MYO5B: variants seen among roughly 807,000 people sequenced by gnomAD.
MYO5B encodes myosin VB.
Under a neutral mutation model 229.3 loss-of-function variants are expected in MYO5B, and 143 were observed. The ratio of observed to expected loss-of-function variants is 0.62; its 90% CI spans 0.54 to 0.72. The LOEUF is 0.72. MYO5B is among the 30% of genes least tolerant of loss of function. The probability of loss-of-function intolerance (pLI) is 0.00; values close to 1 mark genes in which losing one functional copy is unlikely to be tolerated. For missense variants in MYO5B, 2,321 were observed against 2,331.0 expected, an observed-to-expected ratio of 1.00 and a Z score of 0.09; for synonymous variants, 918 against 885.2, an observed-to-expected ratio of 1.04 and a Z score of -0.66.
chr18:49,905,146 C>G (rs2024885623), intron 19 of MYO5B, among the ~76,000 whole-genome samples: 1 of 152,194 alleles, frequency 6.6e-6, no homozygotes, highest in African/African-American at 2.4e-5. Context: ...GGGCAGTCCT[C>G]AACTACTTCA....
At chr18:49,915,966 G>C (rs1025318309) in intron 17 of MYO5B, among the ~76,000 whole-genome samples, 1 of 152,206 alleles carries the variant, frequency 6.6e-6, no homozygotes, top group Non-Finnish European at 1.5e-5. Flanking sequence ...GCCTCACAGA[G>C]TCCGAGTCCC....
intron 4 of MYO5B, among the ~76,000 whole-genome samples, chr18:50,015,037 T>G (rs144964336): frequency 6.6e-5 from 10 of 152,316 alleles, no homozygotes; most frequent in African/African-American, 2.4e-4. Flanking sequence ...TTCAAAATGT[T>G]AACAGCCCTA....
intron 1 of MYO5B, among the ~76,000 whole-genome samples, chr18:50,057,488 G>A (rs1483409021): frequency 1.8e-4 from 27 of 149,586 alleles, no homozygotes; most frequent in Admixed American, 1.7e-3. Context: ...GGAAGCCAGG[G>A]AGCCTAGTCC....
chr18:49,857,319 G>A, intron 29 of MYO5B, among the ~76,000 whole-genome samples: 1 of 152,202 alleles, frequency 6.6e-6, no homozygotes, highest in East Asian at 1.9e-4. Context: ...AAAGGGGCTG[G>A]GAGGAGAGAA....
intron 17 of MYO5B, among the ~76,000 whole-genome samples, chr18:49,922,554 A>G (rs968924775): frequency 2.0e-5 from 3 of 152,172 alleles, no homozygotes; most frequent in Non-Finnish European, 4.4e-5. Context: ...CACAAAACAC[A>G]GTGCCTCTTT....
At position 49,937,361 on chromosome 18, in the gene MYO5B, C is replaced by T; in HGVS notation, c.1789G>A (p.Asp597Asn). ...LVADLFHDDKDPVPATTPGKG... is the reference protein window; with the variant it reads ...LVADLFHDDKNPVPATTPGKG... ...CCAGGGGTGGTGGCAGGAACAGGGT[C>T]CTTGTCATCATGAAACAAGTCAGCC... The change falls in exon 15 of 40, where the codon GAC becomes AAC. Residue 597 changes from aspartate to asparagine, a missense_variant. By Grantham distance (23) the Asp-to-Asn change is conservative (BLOSUM62 1). This residue lies in a region of MYO5B where 2,113 missense variants were observed against 2,044.7 expected (regional missense o/e 1.03). Coordinates refer to ENST00000285039, the MANE Select transcript of MYO5B (RefSeq NM_001080467.3). 1 of 1,614,098 alleles carries T rather than the reference C, an allele frequency of 6.2e-7. No individual in the cohort carries two copies. The highest frequency in any genetic ancestry group is 2.2e-5 in the East Asian group (1 of 44,882).
intron 17 of MYO5B, among the ~76,000 whole-genome samples, chr18:49,917,804 G>C (rs1314182959): frequency 6.6e-6 from 1 of 152,224 alleles, no homozygotes; most frequent in Non-Finnish European, 1.5e-5. Flanking sequence ...CTGGACTTCA[G>C]TGGTGTGCTT....
At chr18:49,835,457 G>T in intron 38 of MYO5B, 33 bp from the exon 39 acceptor site, 1 of 1,386,964 alleles carries the variant, frequency 7.2e-7, no homozygotes, top group Non-Finnish European at 1.0e-6. Context: ...TTAGCACAGA[G>T]CTAAATGAAC....
At chr18:49,904,860 GGA>G in intron 19 of MYO5B, 32 bp from the exon 20 acceptor site, 3 of 1,610,856 alleles carry the variant, frequency 1.9e-6, no homozygotes, top group Non-Finnish European at 2.5e-6. Context: ...GCAGTGTCAG[GGA>G]GAGAGTATTG....
At chr18:49,963,122 C>G (rs370122741) in intron 10 of MYO5B, 92 bp from the exon 11 acceptor site, 6 of 958,486 alleles carry the variant, frequency 6.3e-6, no homozygotes, top group East Asian at 4.8e-5. Context: ...AGGTCTCCCC[C>G]GATGCCACTA....
chr18:50,166,012 C>T (rs2032846073), intron 1 of MYO5B, among the ~76,000 whole-genome samples: 1 of 152,196 alleles, frequency 6.6e-6, no homozygotes, highest in Non-Finnish European at 1.5e-5. Flanking sequence ...GTCAAGCATG[C>T]TCCCACCAAA....
At chr18:49,926,994 G>T (rs556933377) in intron 17 of MYO5B, among the ~76,000 whole-genome samples, 1 of 152,234 alleles carries the variant, frequency 6.6e-6, no homozygotes, top group East Asian at 1.9e-4. Flanking sequence ...TAGAAAGGTG[G>T]CTGCTAGGGA....
At chr18:49,828,173 G>T (rs916037268) in intron 39 of MYO5B, among the ~76,000 whole-genome samples, 6 of 152,176 alleles carry the variant, frequency 3.9e-5, no homozygotes, top group Non-Finnish European at 5.9e-5. Context: ...GACTGTATAA[G>T]GTATCCTCAA....
intron 1 of MYO5B, among the ~76,000 whole-genome samples, chr18:50,128,556 G>A (rs974366728): frequency 2.0e-5 from 3 of 152,302 alleles, no homozygotes; most frequent in East Asian, 1.9e-4. Flanking sequence ...CGATAGCAGC[G>A]CCTAGCTCAG....
chr18:49,980,557 G>T lies in MYO5B; in HGVS notation c.947-4C>A. 6.3e-7 allele frequency: 1 copy of T among 1,592,226 alleles called. No individual in the cohort carries two copies. The highest frequency in any genetic ancestry group is 1.1e-5 in the South Asian group (1 of 90,650). Reference sequence around the variant, plus strand: ...ATCTGATGGGACTCTTTCACTCCTGGAAAAGAAAAATGAATGGATGACACT... The same window carrying T: ...ATCTGATGGGACTCTTTCACTCCTGTAAAAGAAAAATGAATGGATGACACT... On this transcript the variant is annotated splice_region_variant and splice_polypyrimidine_tract_variant and intron_variant, in intron 8 of 39. Coordinates refer to ENST00000285039, the MANE Select transcript of MYO5B (RefSeq NM_001080467.3).
intron 1 of MYO5B, among the ~76,000 whole-genome samples, chr18:50,189,776 G>C (rs368019353): frequency 6.6e-6 from 1 of 152,202 alleles, no homozygotes; most frequent in Admixed American, 6.5e-5. Flanking sequence ...GAGGAAACAG[G>C]TGGCTCTTGC....
At chr18:50,170,261 C>T (rs1269032823) in intron 1 of MYO5B, among the ~76,000 whole-genome samples, 4 of 126,610 alleles carry the variant, frequency 3.2e-5, no homozygotes, top group Non-Finnish European at 3.4e-5. Context: ...TCTGTAGCAC[C>T]GCAGCATCGC....
intron 22 of MYO5B, among the ~76,000 whole-genome samples, chr18:49,886,231 G>A (rs1403124355): frequency 6.6e-6 from 1 of 152,094 alleles, no homozygotes; most frequent in East Asian, 1.9e-4. Flanking sequence ...ATGAGCCACC[G>A]GCACCTGACC....
At chr18:49,848,817 C>T (rs1397187524) in intron 32 of MYO5B, among the ~76,000 whole-genome samples, 1 of 151,972 alleles carries the variant, frequency 6.6e-6, no homozygotes, top group Non-Finnish European at 1.5e-5. Flanking sequence ...GAAGTGTCCC[C>T]CTGGATAGAG....
Sources: gnomAD v4.1 joint callset for allele counts (sites outside exome capture counted in the v4.1 genomes callset) on GRCh38, gnomAD v4.1.1 for gene constraint, gnomAD v4.1.1 regional missense constraint, MANE v1.5 for transcripts, NCBI Gene and HGNC (gene_info 2026-07-23, HGNC 2026-07-21) for gene names.